Variants in PCDHGA11 observed in about 807,000 individuals in gnomAD.
PCDHGA11 encodes the protein protocadherin gamma-A11.
In PCDHGA11, 39 loss-of-function variants were observed where a neutral mutation model predicts 60.4. That is an observed-to-expected ratio of 0.65 (90% CI 0.50 to 0.84). The LOEUF is 0.84. Among genes scored for constraint, PCDHGA11 ranks in the 40% least tolerant of loss-of-function variants. The probability of loss-of-function intolerance (pLI) is 0.00; values close to 1 mark genes in which losing one functional copy is unlikely to be tolerated. For synonymous variants in PCDHGA11, 533 were observed against 510.3 expected, an observed-to-expected ratio of 1.04 and a Z score of -0.60; for missense variants, 1,165 against 1,197.7, an observed-to-expected ratio of 0.97 and a Z score of 0.40.
At chr5:141,484,506 G>T (rs1442936814) in intron 1 of PCDHGA11, among the ~76,000 whole-genome samples, 1 of 152,186 alleles carries the variant, frequency 6.6e-6, no homozygotes, top group Non-Finnish European at 1.5e-5. Context: ...TGAATATTCT[G>T]CAGAAGGGCA....
At chr5:141,435,391 A>C (rs1328617100) in intron 1 of PCDHGA11, among the ~76,000 whole-genome samples, 5 of 152,202 alleles carry the variant, frequency 3.3e-5, no homozygotes, top group African/African-American at 1.2e-4. Flanking sequence ...CCGTATTGCC[A>C]TGACGAAAAA....
chr5:141,422,409 A>G lies in PCDHGA11; in HGVS notation c.1182A>G (p.Lys394=). The G allele has an allele frequency of 6.2e-7, 1 of 1,601,728 alleles. No homozygotes were observed. Reference sequence around the variant, plus strand: ...TTATTCCTAACCACCTGCCTTTTAAATTAGAAAAGACTTATGGAAATTATT... The same window carrying G: ...TTATTCCTAACCACCTGCCTTTTAAGTTAGAAAAGACTTATGGAAATTATT... ...SCFIPNHLPF[K]LEKTYGNYYK... is the part of the protein sequence containing the mutation. Residue 394 remains lysine, a synonymous_variant, in exon 1 of 4, where the codon AAA becomes AAG. Transcript: ENST00000398587.
At position 141,450,754 on chromosome 5, in the gene PCDHGA11, C is replaced by T. The variant is rs192088793; in HGVS notation, c.2433+27094C>T. Among the ~76,000 whole-genome samples, 54 of 151,098 alleles carry T rather than the reference C, an allele frequency of 3.6e-4. 1 individual carries two copies. Among genetic ancestry groups the T allele is most frequent in the African/African-American group, 1.1e-3 (47 of 41,192 alleles). ...CGCCCGCCTTGGCCTCCCAAAGTGC[C>T]GGGATTACAGGCATGAGCCACCGTG... On this transcript the variant is annotated intron_variant, in intron 1 of 3. Transcript: ENST00000398587.
At chr5:141,429,388 A>T (rs6890453) in intron 1 of PCDHGA11, among the ~76,000 whole-genome samples, 24,714 of 140,916 alleles carry the variant, frequency 0.18, 2,276 homozygotes, top group African/African-American at 0.28. Flanking sequence ...TTTTTTTTTT[A>T]AAAAAAATTG....
chr5:141,424,776 A>G (rs1406581367), intron 1 of PCDHGA11: 2 of 152,154 alleles, frequency 1.3e-5, no homozygotes, highest in African/African-American at 4.8e-5. Context: ...CAAATAGTAC[A>G]TTCAGTTCTT....
At chr5:141,467,906 A>T (rs917983299) in intron 1 of PCDHGA11, among the ~76,000 whole-genome samples, 5 of 152,002 alleles carry the variant, frequency 3.3e-5, no homozygotes, top group African/African-American at 9.7e-5. Flanking sequence ...AAATCCGCCC[A>T]CCTCAGCCTC....
rs1345498022 is a variant in PCDHGA11 at position 141,493,312 on chromosome 5, A to G, written c.2434-1495A>G. On this transcript the variant is annotated intron_variant, in intron 1 of 3. Coordinates refer to ENST00000398587, the MANE Select transcript of PCDHGA11 (RefSeq NM_018914.3). This position sits in a 1 kb window ranked among gnomAD's most constrained non-coding sequence, Gnocchi z 4.3. ...CTCAAGTTCACAGAGCAAGTAAGAG[A>G]GATTCTAACCCCTGTCTAACTCCAG... 6.6e-6 allele frequency among the ~76,000 whole-genome samples: 1 copy of G among 152,174 alleles called. No individual in the cohort carries two copies. Among genetic ancestry groups the G allele is most frequent in the Non-Finnish European group, 1.5e-5 (1 of 68,028 alleles).
intron 2 of PCDHGA11, among the ~76,000 whole-genome samples, chr5:141,496,639 C>A (rs752903356): frequency 6.6e-6 from 1 of 152,222 alleles, no homozygotes; most frequent in Non-Finnish European, 1.5e-5. Flanking sequence ...TTGGGCTGCC[C>A]TTGCCCTTCC....
At chr5:141,474,888 G>T (rs1349812637) in intron 1 of PCDHGA11, among the ~76,000 whole-genome samples, 1 of 152,176 alleles carries the variant, frequency 6.6e-6, no homozygotes, top group Non-Finnish European at 1.5e-5. Context: ...ACTCTTAGAG[G>T]TTCATTTCTT....
At position 141,490,359 on chromosome 5, in the gene PCDHGA11, T is replaced by A; in HGVS notation, c.2434-4448T>A. On this transcript the variant is annotated intron_variant, in intron 1 of 3. Coordinates refer to ENST00000398587, the MANE Select transcript of PCDHGA11 (RefSeq NM_018914.3). The surrounding 1 kb of genome is among the most constrained non-coding windows in gnomAD (Gnocchi z 5.4). ...TGGGCACAGTAGTGGGGTTGTTTAA[T>A]GTGCGAGACCGGGACTCAGGTAGAA... 6.2e-7 allele frequency: 1 copy of A among 1,614,212 alleles called. No individual in the cohort carries two copies. The highest frequency in any genetic ancestry group is 8.5e-7 in the Non-Finnish European group (1 of 1,180,036).
intron 1 of PCDHGA11, chr5:141,428,308 G>A (rs2097132099): frequency 1.5e-6 from 1 of 685,734 alleles, no homozygotes; most frequent in Non-Finnish European, 2.6e-6. Context: ...TTACCTGGTC[G>A]TGGCCTTGGC....
chr5:141,462,354 C>T (rs1157515386), intron 1 of PCDHGA11, among the ~76,000 whole-genome samples: 1 of 152,162 alleles, frequency 6.6e-6, no homozygotes, highest in Non-Finnish European at 1.5e-5. Flanking sequence ...CAAAAATATA[C>T]ATTGTATAGT....
chr5:141,500,207 T>G (rs932015076), intron 2 of PCDHGA11, among the ~76,000 whole-genome samples: 2 of 150,136 alleles, frequency 1.3e-5, no homozygotes, highest in African/African-American at 4.9e-5. Context: ...TTTATTTATT[T>G]ATTTATTTAT....
chr5:141,427,881 C>A, intron 1 of PCDHGA11: 1 of 1,563,720 alleles, frequency 6.4e-7, no homozygotes, highest in African/African-American at 1.3e-5. Context: ...GATGCAGGCC[C>A]ACGACCAGGG....
Position 141,487,682 on chromosome 5 carries a change from G to A in PCDHGA11, c.2434-7125G>A, listed in dbSNP as rs757434520. On this transcript the variant is annotated intron_variant, in intron 1 of 3. Transcript: ENST00000398587. This position sits in a 1 kb window ranked among gnomAD's most constrained non-coding sequence, Gnocchi z 5.0. ...TGATCCAGGCATATGGCTAGGCCATGTCCTAGAGAGTACTGGCCTCTCAGT... is the reference window on the plus strand; with the variant it reads ...TGATCCAGGCATATGGCTAGGCCATATCCTAGAGAGTACTGGCCTCTCAGT... The A allele has an allele frequency of 1.2e-6, 2 of 1,607,256 alleles. No individual in the cohort carries two copies. Among genetic ancestry groups the A allele is most frequent in the East Asian group, 4.5e-5 (2 of 44,762 alleles).
intron 1 of PCDHGA11, among the ~76,000 whole-genome samples, chr5:141,494,218 T>C (rs1224329242): frequency 1.3e-5 from 2 of 152,222 alleles, no homozygotes; most frequent in South Asian, 2.1e-4. Context: ...CAATCTGGCA[T>C]GACTCCTAAA....
intron 1 of PCDHGA11, among the ~76,000 whole-genome samples, chr5:141,471,163 G>GC (rs202115056): frequency 0.11 from 16,237 of 150,562 alleles, 892 homozygotes; most frequent in South Asian, 0.15. Context: ...GATTCTCCTG[G>GC]CTCAGCCTCC....
chr5:141,490,111 A>G lies in PCDHGA11; in HGVS notation c.2434-4696A>G. 6.2e-7 allele frequency: 1 copy of G among 1,614,244 alleles called. No individual in the cohort carries two copies. The highest frequency in any genetic ancestry group is 8.5e-7 in the Non-Finnish European group (1 of 1,180,042). On this transcript the variant is annotated intron_variant, in intron 1 of 3. Coordinates refer to ENST00000398587, the MANE Select transcript of PCDHGA11 (RefSeq NM_018914.3). The surrounding 1 kb of genome is among the most constrained non-coding windows in gnomAD (Gnocchi z 5.4). ...AGACCACACATCTGAGGCAGTGCGGAACCTCTTTGGCCTAGACCCTAGCAG... is the reference window on the plus strand; with the variant it reads ...AGACCACACATCTGAGGCAGTGCGGGACCTCTTTGGCCTAGACCCTAGCAG...
At position 141,432,172 on chromosome 5, in the gene PCDHGA11, C is replaced by A. The variant is rs562175068; in HGVS notation, c.2433+8512C>A. ...AGAACAATCCCAGAGGAGTTTCCCT[C>A]GTCTCTGTGACCGCCCACGACCCCG... On this transcript the variant is annotated intron_variant, in intron 1 of 3. Coordinates refer to ENST00000398587, the MANE Select transcript of PCDHGA11 (RefSeq NM_018914.3). This position sits in a 1 kb window ranked among gnomAD's most constrained non-coding sequence, Gnocchi z 6.0. 5 of 1,614,152 alleles carry A rather than the reference C, an allele frequency of 3.1e-6. No homozygotes were observed. The South Asian group carries it at 4.4e-5, about 14-fold the overall frequency.
Sources: gnomAD v4.1 joint callset for allele counts (sites outside exome capture counted in the v4.1 genomes callset) on GRCh38, gnomAD v4.1.1 for gene constraint, Gnocchi (gnomAD v3.1) non-coding constraint, MANE v1.5 for transcripts, NCBI Gene and HGNC (gene_info 2026-07-23, HGNC 2026-07-21) for gene names.